Variants in ENTPD1 observed in about 807,000 individuals in gnomAD.
ENTPD1 encodes ATP diphosphohydrolase.
In ENTPD1, 33 loss-of-function variants were observed where a neutral mutation model predicts 57.0. The observed-to-expected ratio is 0.58, with a 90% CI of 0.44 to 0.77. ENTPD1 has a LOEUF of 0.77. ENTPD1 is among the 30% of genes least tolerant of loss of function. The pLI is 0.00. For missense variants in ENTPD1, 501 were observed against 603.4 expected (o/e 0.83, Z 1.78); for synonymous variants, 202 against 218.8 (o/e 0.92, Z 0.68).
chr10:95,835,135 G>A (rs1426450532), intron 2 of ENTPD1, among the ~76,000 whole-genome samples: 6 of 152,088 alleles, frequency 3.9e-5, no homozygotes, highest in East Asian at 1.9e-4. Flanking sequence ...TATTGTTCCC[G>A]TCTTTGTGTT....
At chr10:95,710,097 C>T (rs1783259672), upstream of ENTPD1, among the ~76,000 whole-genome samples, 1 of 149,456 alleles carries the variant, frequency 6.7e-6, no homozygotes, top group African/African-American at 2.5e-5. Flanking sequence ...TTTAAACCAT[C>T]ATTAATTTTT....
chr10:95,728,416 G>T (rs2097985899), intron 1 of ENTPD1, among the ~76,000 whole-genome samples: 1 of 152,144 alleles, frequency 6.6e-6, no homozygotes, highest in African/African-American at 2.4e-5. Context: ...CTGTTTAAAA[G>T]GTGAATTGTC....
At chr10:95,852,651 C>G (rs550685092) in intron 7 of ENTPD1, among the ~76,000 whole-genome samples, 43 of 152,290 alleles carry the variant, frequency 2.8e-4, no homozygotes, top group Non-Finnish European at 5.4e-4. Context: ...CTACGTATGG[C>G]TAGCCAGTTT....
intron 1 of ENTPD1, among the ~76,000 whole-genome samples, chr10:95,721,041 GT>G (rs912862890): frequency 2.0e-5 from 3 of 151,130 alleles, no homozygotes; most frequent in Non-Finnish European, 3.0e-5. Context: ...CTTTTGAAGT[GT>G]TTTTTTTTAT....
chr10:95,845,845 T>C (rs2098434466), intron 6 of ENTPD1: 3 of 564,834 alleles, frequency 5.3e-6, no homozygotes, highest in Admixed American at 3.2e-5. Context: ...CAGGAAATAA[T>C]TTCTCCCCCT....
chr10:95,847,837 G>C (rs1332817621), intron 7 of ENTPD1, 131 bp downstream of exon 7: 1 of 1,318,428 alleles, frequency 7.6e-7, no homozygotes, highest in African/African-American at 1.4e-5. Flanking sequence ...TTAGGGGTTG[G>C]TTCTTCAGCT....
rs374683084 is a variant in ENTPD1 at position 95,795,304 on chromosome 10, A to C, written c.17-27933A>C. Reference sequence around the variant, plus strand: ...GAGGGTGGGGAAGGAATACAGGATGATGCTGCTGTTCTTGGTGTCAGTAAC... The same window carrying C: ...GAGGGTGGGGAAGGAATACAGGATGCTGCTGCTGTTCTTGGTGTCAGTAAC... On this transcript the variant is annotated intron_variant, in intron 1 of 9. Coordinates refer to ENST00000371205, the MANE Select transcript of ENTPD1 (RefSeq NM_001776.6). Among the ~76,000 whole-genome samples the C allele has an allele frequency of 3.3e-5, 5 of 152,238 alleles. No individual in the cohort carries two copies. The South Asian group carries it at 6.2e-4, about 19-fold the overall frequency.
At chr10:95,771,490 G>A (rs1371060909) in intron 1 of ENTPD1, among the ~76,000 whole-genome samples, 3 of 152,184 alleles carry the variant, frequency 2.0e-5, no homozygotes, top group South Asian at 4.1e-4. Flanking sequence ...TGCACAACTG[G>A]TTGGTGGCTG....
intron 1 of ENTPD1, among the ~76,000 whole-genome samples, chr10:95,806,542 T>C (rs914820351): frequency 1.3e-5 from 2 of 152,256 alleles, no homozygotes; most frequent in African/African-American, 4.8e-5. Context: ...GGCAAGGAGC[T>C]GCAATCCTTT....
Position 95,874,494 on chromosome 10 carries a change from A to G in ENTPD1, c.*8111A>G, listed in dbSNP as rs2098483759. 6.6e-6 allele frequency among the ~76,000 whole-genome samples: 1 copy of G among 152,138 alleles called. No individual in the cohort carries two copies. The highest frequency in any genetic ancestry group is 1.5e-5 in the Non-Finnish European group (1 of 68,016). ...CAGCCTCCCTCCTGGCTGCTTTCTC[A>G]GGCTGATGTTGAGTGTCTGTAGCTT... On this transcript the variant is annotated 3_prime_UTR_variant, in exon 10 of 10. Coordinates refer to ENST00000371205, the MANE Select transcript of ENTPD1 (RefSeq NM_001776.6).
At chr10:95,750,768 T>C (rs1378787462), upstream of ENTPD1, among the ~76,000 whole-genome samples, 2 of 152,164 alleles carry the variant, frequency 1.3e-5, no homozygotes, top group Non-Finnish European at 2.9e-5. Flanking sequence ...CTCACGCCTG[T>C]AATCCCAGCA....
intron 7 of ENTPD1, among the ~76,000 whole-genome samples, chr10:95,858,458 A>AT (rs1566248519): frequency 6.6e-6 from 1 of 152,104 alleles, no homozygotes; most frequent in African/African-American, 2.4e-5. Flanking sequence ...CAGGGGAGTG[A>AT]TATGATCAGA....
Position 95,869,216 on chromosome 10 carries a change from G to GA in ENTPD1, c.*2839dup. ...TTTTTTTCTATGAACCTATAGGGGAGAAAAAAGATCAGCAGAAGTCATTAC... is the reference window on the plus strand; with the variant it reads ...TTTTTTTCTATGAACCTATAGGGGAGAAAAAAAGATCAGCAGAAGTCATTAC... On this transcript the variant is annotated 3_prime_UTR_variant, in exon 10 of 10. Coordinates refer to ENST00000371205, the MANE Select transcript of ENTPD1 (RefSeq NM_001776.6). The GA allele has an allele frequency of 1.4e-6, 1 of 695,126 alleles. No homozygotes were observed. The highest frequency in any genetic ancestry group is 1.7e-6 in the Non-Finnish European group (1 of 577,262). 43.1% of individuals were successfully genotyped at this position (695,126 alleles called of 1,614,324 possible).
chr10:95,843,181 T>C (rs947385779), intron 4 of ENTPD1: 1 of 152,232 alleles, frequency 6.6e-6, no homozygotes, highest in Non-Finnish European at 1.5e-5. Flanking sequence ...ATGCATTCAG[T>C]AACTGATGTT....
At chr10:95,858,318 C>T (rs757519511) in intron 7 of ENTPD1, among the ~76,000 whole-genome samples, 28 of 151,958 alleles carry the variant, frequency 1.8e-4, no homozygotes, top group Non-Finnish European at 3.4e-4. Context: ...AAAGGCTTGG[C>T]GGGGATTGAA....
At chr10:95,786,179 A>T (rs1295469807) in intron 1 of ENTPD1, among the ~76,000 whole-genome samples, 1 of 151,996 alleles carries the variant, frequency 6.6e-6, no homozygotes, top group Non-Finnish European at 1.5e-5. Context: ...CTCCCTAGGG[A>T]TGGTTTGCCC....
At position 95,873,575 on chromosome 10, in the gene ENTPD1, G is replaced by A. The variant is rs1158313300; in HGVS notation, c.*7192G>A. On this transcript the variant is annotated 3_prime_UTR_variant, in exon 10 of 10. Transcript: ENST00000371205. ...AGCTCACACGCATCCTTTAAAAATG[G>A]TTTAGAAGTTTAGCTGGTTTCTTAT... 6 of 985,434 alleles carry A rather than the reference G, an allele frequency of 6.1e-6. No individual in the cohort carries two copies. Among genetic ancestry groups the A allele is most frequent in the Non-Finnish European group, 7.2e-6 (6 of 829,944 alleles). 61.0% of individuals were successfully genotyped at this position (985,434 alleles called of 1,614,324 possible). A position where few individuals can be genotyped will look rare whatever the true frequency, so the allele number is the denominator to read the frequency against.
intron 1 of ENTPD1, among the ~76,000 whole-genome samples, chr10:95,735,480 AG>A (rs2097993706): frequency 1.3e-5 from 2 of 152,256 alleles, no homozygotes. Context: ...TTGCCAAAGC[AG>A]ATAAGTTATT....
chr10:95,866,194 C>T lies in ENTPD1; in HGVS notation c.1344C>T (p.Ala448=), dbSNP rs776287696. ...GTTTGCAGATCCAGGGCAGCGACGC[C>T]GGCTGGACTTTGGGCTACATGCTGA... ...HFIGKIQGSD[A]GWTLGYMLNL... Residue 448 remains alanine (A), a synonymous_variant, in exon 10 of 10, where the codon GCC becomes GCT. Transcript: ENST00000371205. 1.2e-5 allele frequency: 19 copies of T among 1,613,762 alleles called. No homozygotes were observed. The highest frequency in any genetic ancestry group is 2.2e-5 in the East Asian group (1 of 44,882).
Sources: allele counts gnomAD v4.1 joint callset (sites outside exome capture counted in the v4.1 genomes callset), GRCh38; gene constraint gnomAD v4.1.1; transcripts MANE v1.5; gene names NCBI Gene and HGNC (gene_info 2026-07-23, HGNC 2026-07-21).